The following TSBP1 variants were observed in gnomAD, a reference collection of about 807,000 sequenced individuals.
TSBP1 encodes testis-expressed basic protein 1.
In TSBP1, 56 loss-of-function variants were observed where a neutral mutation model predicts 68.8. The ratio of observed to expected loss-of-function variants is 0.81; its 90% CI spans 0.66 to 1.02. The LOEUF is 1.02. Ranked by LOEUF, TSBP1 falls within the 50% of genes least tolerant of loss-of-function variation. TSBP1 has a pLI of 0.00. For synonymous variants in TSBP1, 171 were observed against 208.7 expected, an observed-to-expected ratio of 0.82 and a Z score of 1.56; for missense variants, 502 against 641.2, an observed-to-expected ratio of 0.78 and a Z score of 2.34.
chr6:32,324,728 T>C, intron 16 of TSBP1: 1 of 1,549,464 alleles, frequency 6.5e-7, no homozygotes, highest in Non-Finnish European at 8.7e-7. Flanking sequence ...TTGTTTCTTT[T>C]CCTACTCATT....
At chr6:32,341,471 C>T (rs568762663) in intron 9 of TSBP1, among the ~76,000 whole-genome samples, 3 of 152,276 alleles carry the variant, frequency 2.0e-5, no homozygotes, top group Admixed American at 1.3e-4. Context: ...AGTCCATGCC[C>T]TACCCAGAGG....
intron 20 of TSBP1, 63 bp from the exon 24 acceptor site, chr6:32,300,763 A>C: frequency 7.3e-7 from 1 of 1,362,074 alleles, no homozygotes; most frequent in South Asian, 1.2e-5. Context: ...CCAGTCCCCA[A>C]ACCTCTGCAT....
intron 22 of TSBP1, among the ~76,000 whole-genome samples, chr6:32,295,907 C>T (rs149542763): frequency 0.039 from 5,844 of 149,616 alleles, 315 homozygotes; most frequent in African/African-American, 0.12. Flanking sequence ...TGCAATGGCA[C>T]GATCTCGGCT....
At position 32,302,457 on chromosome 6, in the gene TSBP1, A is replaced by G; in HGVS notation, c.601+152T>C. The G allele has an allele frequency of 1.5e-6, 1 of 679,964 alleles. No homozygotes were observed. Among genetic ancestry groups the G allele is most frequent in the Non-Finnish European group, 2.6e-6 (1 of 379,420 alleles). The allele number at this position is 679,964 out of a possible 1,614,324, so 42.1% of individuals were successfully genotyped here. On this transcript the variant is annotated intron_variant, in intron 20 of 22. Transcript: ENST00000612031. This position sits in a 1 kb window ranked among gnomAD's most constrained non-coding sequence, Gnocchi z 5.1. ...TGACAGAGCAAGACCCTGTCTCAGA[A>G]CAAAACAAAACCAAAAACACCAAAC...
Position 32,325,973 on chromosome 6 carries a change from A to G in TSBP1, c.515-2359T>C. 8 of 1,553,384 alleles carry G rather than the reference A, an allele frequency of 5.2e-6. No homozygotes were observed. The highest frequency in any genetic ancestry group is 7.0e-6 in the Non-Finnish European group (8 of 1,139,710). ...AATGGATTTGGTAATGATGGGAGCA[A>G]TTTTGGAGGTGGTGGAAGCTACAAT... On this transcript the variant is annotated intron_variant, in intron 16 of 22. Transcript: ENST00000612031. The surrounding 1 kb of genome is among the most constrained non-coding windows in gnomAD (Gnocchi z 4.4).
At chr6:32,312,686 G>A (rs1258067428) in intron 19 of TSBP1, among the ~76,000 whole-genome samples, 4 of 152,048 alleles carry the variant, frequency 2.6e-5, no homozygotes, top group Admixed American at 6.5e-5. Flanking sequence ...AGTTTCATTC[G>A]TCAAGTTTCT....
At chr6:32,368,704 A>G in intron 3 of TSBP1, 78 bp downstream of exon 3, 1 of 1,442,212 alleles carries the variant, frequency 6.9e-7, no homozygotes, top group Non-Finnish European at 9.5e-7. Context: ...ACAACTGTAA[A>G]CAAGACAGAT....
At chr6:32,301,291 A>C (rs186079290) in intron 20 of TSBP1, among the ~76,000 whole-genome samples, 1 of 152,252 alleles carries the variant, frequency 6.6e-6, no homozygotes, top group East Asian at 1.9e-4. Flanking sequence ...GGCTTCTCAA[A>C]GTGCTGGGAT....
rs571685265 is a variant in TSBP1, at chr6:32,304,841, A to T, written c.581-2212T>A. Among the ~76,000 whole-genome samples the T allele has an allele frequency of 3.5e-4, 51 of 144,510 alleles. No homozygotes were observed. Among genetic ancestry groups the T allele is most frequent in the Admixed American group, 2.8e-3 (42 of 15,008 alleles). The allele number at this position is 144,510 out of a possible 152,430, so 94.8% of individuals were successfully genotyped here. ...TTATGAGAATTTAAAACTCTTCAAG[A>T]GTTAGTAATACTTATTTTAAGTTTT... On this transcript the variant is annotated intron_variant, in intron 19 of 22. Transcript: ENST00000612031. This position sits in a 1 kb window ranked among gnomAD's most constrained non-coding sequence, Gnocchi z 4.8.
At position 32,301,206 on chromosome 6, in the gene TSBP1, T is replaced by C. The variant is rs139466546; in HGVS notation, c.602-506A>G. On this transcript the variant is annotated intron_variant, in intron 20 of 22. Transcript: ENST00000612031. ...ACCACACCCAGCTAATTTTTGTATT[T>C]TTTTGTAGAGACGGAGTTTCATCAC... 7.1e-3 allele frequency among the ~76,000 whole-genome samples: 1,080 copies of C among 152,166 alleles called. 8 individuals are homozygous for C. The highest frequency in any genetic ancestry group is 0.065 in the Middle Eastern group (19 of 294).
exon 23 of TSBP1, chr6:32,293,610 T>C (rs1168050005): frequency 1.2e-6 from 2 of 1,613,062 alleles, no homozygotes; most frequent in Admixed American, 3.3e-5. Context: ...AACCCACTCT[T>C]CGTTACTTGG....
At chr6:32,324,982 T>C (rs1428243226) in intron 16 of TSBP1, among the ~76,000 whole-genome samples, 1 of 152,194 alleles carries the variant, frequency 6.6e-6, no homozygotes, top group African/African-American at 2.4e-5. Context: ...ATTGCCTGTA[T>C]AGATGACTTA....
rs373072584 is a variant in TSBP1 at position 32,299,906 on chromosome 6, T to C, written c.637+16A>G. The C allele has an allele frequency of 8.8e-6, 14 of 1,594,654 alleles. No individual in the cohort carries two copies. The African/African-American group carries it at 1.7e-4, about 20-fold the overall frequency. On this transcript the variant is annotated intron_variant, in intron 22 of 22. Coordinates refer to ENST00000612031, the Ensembl canonical transcript of TSBP1. ...CAATGTAAAATATCAGAGTTGAGAA[T>C]AGATATGGAACTTACCCACAGGAGT...
At chr6:32,367,978 C>T in intron 3 of TSBP1, 21 bp from the exon 4 acceptor site, 1 of 1,574,612 alleles carries the variant, frequency 6.4e-7, no homozygotes, top group South Asian at 1.1e-5. Context: ...AGGGAGAGCA[C>T]ATGATTTTGC....
Position 32,337,683 on chromosome 6 carries a change from T to TAC in TSBP1, c.410-1050_410-1049dup, listed in dbSNP as rs1206458253. Among the ~76,000 whole-genome samples, 6 of 151,424 alleles carry TAC rather than the reference T, an allele frequency of 4.0e-5. No individual in the cohort carries two copies. The highest frequency in any genetic ancestry group is 3.9e-4 in the East Asian group (2 of 5,162). On this transcript the variant is annotated intron_variant, in intron 11 of 22. Transcript: ENST00000612031. This position sits in a 1 kb window ranked among gnomAD's most constrained non-coding sequence, Gnocchi z 5.5. Reference sequence around the variant, plus strand: ...TTATGACCACACACACACATACACATACACACACACACACCCCACCACACC... The same window carrying TAC: ...TTATGACCACACACACACATACACATACACACACACACACACCCCACCACACC...
At chr6:32,344,441 T>C (rs931408980) in intron 9 of TSBP1, among the ~76,000 whole-genome samples, 2 of 151,830 alleles carry the variant, frequency 1.3e-5, no homozygotes, top group African/African-American at 2.4e-5. Context: ...TTTCTAGAAA[T>C]AGGGCCTGCC....
chr6:32,318,969 G>A (rs142439050), intron 18 of TSBP1, among the ~76,000 whole-genome samples: 17 of 152,218 alleles, frequency 1.1e-4, no homozygotes, highest in African/African-American at 3.9e-4. Flanking sequence ...AAAATTATGG[G>A]TTCTAATGCA....
chr6:32,349,642 T>C (rs1771490746), intron 9 of TSBP1, 98 bp downstream of exon 9: 1 of 711,770 alleles, frequency 1.4e-6, no homozygotes, highest in Admixed American at 2.3e-5. Context: ...AAGCTTCTGC[T>C]GTGCTGCAGC....
intron 7 of TSBP1, 36 bp from the exon 8 acceptor site, chr6:32,355,180 T>C (rs1772152453): frequency 1.9e-6 from 3 of 1,607,962 alleles, no homozygotes; most frequent in Non-Finnish European, 1.7e-6. Context: ...AGGTGAATCA[T>C]GAGAGTTTGG....
Sources: allele counts gnomAD v4.1 joint callset (sites outside exome capture counted in the v4.1 genomes callset), GRCh38; gene constraint gnomAD v4.1.1; non-coding constraint Gnocchi (gnomAD v3.1); transcripts MANE v1.5; gene names NCBI Gene and HGNC (gene_info 2026-07-23, HGNC 2026-07-21).